SGCD: variants seen among roughly 807,000 people sequenced by gnomAD.
SGCD encodes the protein sarcoglycan delta, also known as delta-sarcoglycan.
A neutral mutation model predicts 36.6 loss-of-function variants in SGCD; 18 were observed. The ratio of observed to expected loss-of-function variants is 0.49; its 90% confidence interval spans 0.34 to 0.73. SGCD has a LOEUF of 0.73. Among genes scored for constraint, SGCD ranks in the 30% least tolerant of loss-of-function variants. The pLI, the probability that SGCD is intolerant of heterozygous loss-of-function variation, is 0.01. For missense variants in SGCD, 387 were observed against 346.7 expected, an observed-to-expected ratio of 1.12 and a Z score of -0.92; for synonymous variants, 133 against 130.6, an observed-to-expected ratio of 1.02 and a Z score of -0.12.
chr5:155,742,251 C>T, the SGCD span, among the ~76,000 whole-genome samples: 3 of 152,146 alleles, frequency 2.0e-5, no homozygotes, highest in Middle Eastern at 3.2e-3. Context: ...TCTATAGTTA[C>T]TCCTCACCTT....
At chr5:156,468,173 A>T (rs1288718184) in intron 3 of SGCD, among the ~76,000 whole-genome samples, 1 of 151,796 alleles carries the variant, frequency 6.6e-6, no homozygotes. Flanking sequence ...ACATAATGAG[A>T]CCCCATCTTT....
At chr5:155,901,998 T>C (rs901312611) in intron 1 of SGCD, among the ~76,000 whole-genome samples, 1 of 152,184 alleles carries the variant, frequency 6.6e-6, no homozygotes, top group African/African-American at 2.4e-5. Flanking sequence ...TGTTCATGAG[T>C]TGATATTTTA....
At chr5:156,679,402 T>A (rs558596399) in intron 7 of SGCD, among the ~76,000 whole-genome samples, 46 of 152,316 alleles carry the variant, frequency 3.0e-4, no homozygotes, top group African/African-American at 1.0e-3. Context: ...GACACTGCCA[T>A]ATAATGGAAA....
chr5:156,639,746 T>C (rs978344770), intron 6 of SGCD, among the ~76,000 whole-genome samples: 7 of 152,162 alleles, frequency 4.6e-5, no homozygotes, highest in Non-Finnish European at 1.0e-4. Context: ...TTAACACAGA[T>C]AAACTGTTCC....
chr5:156,525,141 G>A (rs1291608738), intron 4 of SGCD, among the ~76,000 whole-genome samples: 3 of 151,922 alleles, frequency 2.0e-5, no homozygotes, highest in African/African-American at 7.3e-5. Context: ...TTTTGAGGAC[G>A]CTCCATGCAG....
chr5:156,250,000 T>C (rs546874690), intron 3 of SGCD, among the ~76,000 whole-genome samples: 1 of 152,290 alleles, frequency 6.6e-6, no homozygotes, highest in African/African-American at 2.4e-5. Context: ...GTCCATAGAT[T>C]TTACATGTTA....
intron 1 of SGCD, among the ~76,000 whole-genome samples, chr5:156,026,607 AG>A (rs1759230694): frequency 6.6e-6 from 1 of 152,234 alleles, no homozygotes; most frequent in African/African-American, 2.4e-5. Flanking sequence ...GGAAGGCTTA[AG>A]TAAAATTTGT....
intron 4 of SGCD, among the ~76,000 whole-genome samples, chr5:156,582,815 G>GCA (rs1239916112): frequency 1.3e-5 from 2 of 150,648 alleles, no homozygotes; most frequent in Non-Finnish European, 2.9e-5. Flanking sequence ...GCACGCATGT[G>GCA]CACGCGCACA....
intron 1 of SGCD, among the ~76,000 whole-genome samples, chr5:156,092,208 T>G (rs1761261522): frequency 6.6e-6 from 1 of 152,238 alleles, no homozygotes; most frequent in Non-Finnish European, 1.5e-5. Flanking sequence ...GCCAGCTATT[T>G]CTGAGTCCTT....
chr5:155,892,431 G>A (rs967726460), intron 1 of SGCD, among the ~76,000 whole-genome samples: 3 of 131,936 alleles, frequency 2.3e-5, no homozygotes, highest in African/African-American at 8.5e-5. Context: ...CTCCAGTCTG[G>A]CAACAGAGTG....
At chr5:156,400,263 T>C (rs1207491619) in intron 3 of SGCD, among the ~76,000 whole-genome samples, 1 of 152,130 alleles carries the variant, frequency 6.6e-6, no homozygotes, top group Non-Finnish European at 1.5e-5. Flanking sequence ...GCTGCTGCTA[T>C]TGGTGAGAGC....
chr5:155,748,425 G>C, the SGCD span, among the ~76,000 whole-genome samples: 1 of 151,902 alleles, frequency 6.6e-6, no homozygotes, highest in Non-Finnish European at 1.5e-5. Flanking sequence ...TACCTAATCT[G>C]ACTACTACCA....
intron 3 of SGCD, among the ~76,000 whole-genome samples, chr5:156,308,189 A>G (rs1160319236): frequency 6.6e-6 from 1 of 152,194 alleles, no homozygotes; most frequent in Non-Finnish European, 1.5e-5. Flanking sequence ...ACAGTTCTGC[A>G]TGGATGGGGA....
At chr5:156,485,392 G>A (rs1755613733) in intron 3 of SGCD, among the ~76,000 whole-genome samples, 1 of 152,196 alleles carries the variant, frequency 6.6e-6, no homozygotes, top group Admixed American at 6.5e-5. Context: ...GCCATGCGTG[G>A]TGGCTCACAC....
chr5:155,840,854 A>G, the SGCD span, among the ~76,000 whole-genome samples: 1 of 151,666 alleles, frequency 6.6e-6, no homozygotes, highest in Non-Finnish European at 1.5e-5. Flanking sequence ...TCTACTGAAA[A>G]TACAAAATTA....
At chr5:156,580,787 G>T (rs1760221154) in intron 4 of SGCD, among the ~76,000 whole-genome samples, 1 of 152,104 alleles carries the variant, frequency 6.6e-6, no homozygotes, top group African/African-American at 2.4e-5. Context: ...ATTTATTCTA[G>T]TTAGCCATTC....
chr5:155,972,056 G>A (rs894905206), intron 1 of SGCD, among the ~76,000 whole-genome samples: 6 of 152,144 alleles, frequency 3.9e-5, no homozygotes, highest in Non-Finnish European at 7.4e-5. Flanking sequence ...GGAATAGAAT[G>A]ATCATTCTTA....
At chr5:156,332,897 A>C (rs2127705278) in intron 2 of SGCD, among the ~76,000 whole-genome samples, 1 of 152,360 alleles carries the variant, frequency 6.6e-6, no homozygotes, top group South Asian at 2.1e-4. Flanking sequence ...TCAGATTTGT[A>C]AAACTCATTG....
At chr5:156,504,400 A>ATATATATATATATATATGTCAATGTG (rs1756605484) in intron 3 of SGCD, among the ~76,000 whole-genome samples, 2 of 82,486 alleles carry the variant, frequency 2.4e-5, no homozygotes, top group Admixed American at 2.4e-4. Flanking sequence ...GTGTATATAT[A>ATATATATATATATATATGTCAATGTG]TATATATATA....
Sources: gnomAD v4.1 joint callset for allele counts (sites outside exome capture counted in the v4.1 genomes callset) on GRCh38, gnomAD v4.1.1 for gene constraint, MANE v1.5 for transcripts, NCBI Gene and HGNC (gene_info 2026-07-23, HGNC 2026-07-21) for gene names.